Variants in HTR1F observed in about 807,000 individuals in gnomAD.
The protein encoded by HTR1F is 5-hydroxytryptamine (serotonin) receptor 1F, G protein-coupled.
Under a neutral mutation model 24.0 loss-of-function variants are expected in HTR1F, and 17 were observed. The ratio of observed to expected loss-of-function variants is 0.71; its 90% CI spans 0.48 to 1.06. The LOEUF (loss-of-function observed/expected upper bound fraction) is 1.06. Among genes scored for constraint, HTR1F ranks in the 50% least tolerant of loss-of-function variants. The probability of loss-of-function intolerance (pLI) is 0.00; values close to 1 mark genes in which losing one functional copy is unlikely to be tolerated. For synonymous variants in HTR1F, 186 were observed against 156.8 expected (o/e 1.19, Z -1.39); for missense variants, 391 against 427.8 (o/e 0.91, Z 0.76).
chr3:87,909,321 C>A (rs1313563204), intron 2 of HTR1F, among the ~76,000 whole-genome samples: 1 of 152,034 alleles, frequency 6.6e-6, no homozygotes, highest in Non-Finnish European at 1.5e-5. Context: ...CACAGTAAAA[C>A]CTAGCCAATG....
At chr3:87,919,936 C>T (rs56374909) in intron 2 of HTR1F, among the ~76,000 whole-genome samples, 16,660 of 151,578 alleles carry the variant, frequency 0.11, 1,129 homozygotes, top group Non-Finnish European at 0.15. Flanking sequence ...TATAGCAGCA[C>T]AATTTGCAAT....
intron 1 of HTR1F, among the ~76,000 whole-genome samples, chr3:87,812,155 G>T (rs945547236): frequency 2.6e-5 from 4 of 152,090 alleles, no homozygotes; most frequent in Admixed American, 1.3e-4. Flanking sequence ...CAAAGAGTGG[G>T]GTACTGCTAG....
intron 1 of HTR1F, among the ~76,000 whole-genome samples, chr3:87,814,465 C>G (rs528494788): frequency 7.1e-4 from 108 of 152,216 alleles, no homozygotes; most frequent in Non-Finnish European, 1.2e-3. Context: ...CCATGTTATA[C>G]AATAGAGCTC....
chr3:87,822,339 A>G (rs1458143955), intron 2 of HTR1F, among the ~76,000 whole-genome samples: 2 of 152,180 alleles, frequency 1.3e-5, no homozygotes, highest in African/African-American at 4.8e-5. Flanking sequence ...CCAGGAGCCT[A>G]TTGGAGGAAA....
chr3:87,926,589 T>C (rs1704132075), intron 2 of HTR1F, among the ~76,000 whole-genome samples: 1 of 152,152 alleles, frequency 6.6e-6, no homozygotes, highest in Non-Finnish European at 1.5e-5. Context: ...AATGAAAAAG[T>C]ATTATTAAAT....
intron 2 of HTR1F, among the ~76,000 whole-genome samples, chr3:87,956,627 T>C (rs1388698403): frequency 6.6e-6 from 1 of 151,320 alleles, no homozygotes; most frequent in Non-Finnish European, 1.5e-5. Context: ...ATATATGCCT[T>C]CCATTTATTT....
chr3:87,914,123 C>T (rs1703838779), intron 2 of HTR1F, among the ~76,000 whole-genome samples: 2 of 152,100 alleles, frequency 1.3e-5, no homozygotes, highest in Non-Finnish European at 2.9e-5. Flanking sequence ...AAGATTTTGA[C>T]CTTACCTGGA....
rs530305028 is a variant in HTR1F, at chr3:87,821,848, A to T, written c.-159-160A>T. On this transcript the variant is annotated intron_variant, in intron 1 of 2. Coordinates refer to ENST00000319595, the MANE Select transcript of HTR1F (RefSeq NM_001322209.2). ...AAAAAAGACGTTTTTTCTTTTATTG[A>T]CTTCTAAACCGGATATTTTATTTCA... Among the ~76,000 whole-genome samples the T allele has an allele frequency of 4.6e-5, 7 of 152,108 alleles. 2 individuals are homozygous for T. In the East Asian group the frequency reaches 1.4e-3, roughly 29 times the overall value.
At chr3:87,859,225 A>G (rs548384720) in intron 2 of HTR1F, among the ~76,000 whole-genome samples, 2 of 152,322 alleles carry the variant, frequency 1.3e-5, no homozygotes, top group Admixed American at 6.5e-5. Flanking sequence ...ACAAACTAAA[A>G]AAGAGAAGTT....
At chr3:87,922,503 A>G (rs975524669) in intron 2 of HTR1F, among the ~76,000 whole-genome samples, 4 of 151,786 alleles carry the variant, frequency 2.6e-5, no homozygotes, top group Admixed American at 1.3e-4. Flanking sequence ...TGCTGTGCAG[A>G]TGTTTTTTAG....
At chr3:87,841,771 G>T (rs778204528) in intron 2 of HTR1F, among the ~76,000 whole-genome samples, 53 of 150,924 alleles carry the variant, frequency 3.5e-4, no homozygotes, top group Non-Finnish European at 6.9e-4. Flanking sequence ...GTGGTGGCGC[G>T]CTCCTGTAAT....
At chr3:87,864,759 G>A (rs769786796) in intron 2 of HTR1F, among the ~76,000 whole-genome samples, 42 of 152,048 alleles carry the variant, frequency 2.8e-4, no homozygotes, top group Non-Finnish European at 5.0e-4. Flanking sequence ...AGCTGGTTGC[G>A]GTGGTGAGCA....
intron 2 of HTR1F, among the ~76,000 whole-genome samples, chr3:87,899,892 C>G (rs1706284539): frequency 6.6e-6 from 1 of 152,032 alleles, no homozygotes; most frequent in Admixed American, 6.6e-5. Context: ...AAATCGCAGT[C>G]TATCATTTTA....
intron 2 of HTR1F, among the ~76,000 whole-genome samples, chr3:87,844,848 G>T (rs1163791333): frequency 6.6e-6 from 1 of 150,556 alleles, no homozygotes; most frequent in Non-Finnish European, 1.5e-5. Context: ...TAGATATGCG[G>T]CGTTATTTCT....
chr3:87,887,466 T>C (rs1310891605), intron 2 of HTR1F, among the ~76,000 whole-genome samples: 8 of 152,042 alleles, frequency 5.3e-5, no homozygotes, highest in African/African-American at 1.9e-4. Flanking sequence ...AAAGCCAAAA[T>C]TGACAAATGG....
intron 2 of HTR1F, among the ~76,000 whole-genome samples, chr3:87,915,888 A>G (rs575273612): frequency 2.6e-5 from 4 of 152,242 alleles, no homozygotes; most frequent in African/African-American, 9.6e-5. Context: ...AAATATTATC[A>G]CCTAGCCACA....
chr3:87,953,529 C>CAAAA (rs143677828), intron 2 of HTR1F, among the ~76,000 whole-genome samples: 98 of 143,062 alleles, frequency 6.9e-4, no homozygotes, highest in African/African-American at 1.5e-3. Flanking sequence ...ACCAAAAGGA[C>CAAAA]AAAAAAAAAA....
chr3:87,912,544 A>T (rs1307382699), intron 2 of HTR1F, among the ~76,000 whole-genome samples: 2 of 148,350 alleles, frequency 1.3e-5, no homozygotes, highest in Non-Finnish European at 3.0e-5. Context: ...CACCTATGAC[A>T]TTCTTCACAG....
intron 2 of HTR1F, among the ~76,000 whole-genome samples, chr3:87,931,340 T>C (rs1205233974): frequency 6.6e-6 from 1 of 152,152 alleles, no homozygotes; most frequent in Non-Finnish European, 1.5e-5. Flanking sequence ...AGAATGATGA[T>C]TTCCAATTTC....
Sources: gnomAD v4.1 joint callset for allele counts (sites outside exome capture counted in the v4.1 genomes callset) on GRCh38, gnomAD v4.1.1 for gene constraint, MANE v1.5 for transcripts, NCBI Gene and HGNC (gene_info 2026-07-23, HGNC 2026-07-21) for gene names.